The following ARL6IP6 variants were observed in gnomAD, a reference collection of about 807,000 sequenced individuals.
The protein encoded by ARL6IP6 is ARF like GTPase 6 interacting protein 6, also known as ADP-ribosylation factor-like protein 6-interacting protein 6.
A neutral mutation model predicts 21.5 loss-of-function variants in ARL6IP6; 22 were observed. That is an observed-to-expected ratio of 1.02 (90% confidence interval 0.73 to 1.46). The LOEUF is 1.46. ARL6IP6 is among the 40% of genes most tolerant of loss of function. The pLI is 0.00. For missense variants in ARL6IP6, 388 were observed against 299.8 expected, an observed-to-expected ratio of 1.29 and a Z score of -2.17; for synonymous variants, 164 against 125.3, an observed-to-expected ratio of 1.31 and a Z score of -2.06.
intron 1 of ARL6IP6, chr2:152,720,330 A>G: frequency 3.3e-6 from 2 of 607,314 alleles, no homozygotes; most frequent in East Asian, 2.8e-5. Flanking sequence ...TATGTACGGT[A>G]TATAGCTGTT....
At chr2:152,750,606 G>A (rs762000596) in intron 3 of ARL6IP6, among the ~76,000 whole-genome samples, 1 of 150,294 alleles carries the variant, frequency 6.7e-6, no homozygotes, top group Non-Finnish European at 1.5e-5. Flanking sequence ...GAAATCTTAA[G>A]TTGGAGTTCC....
chr2:152,732,032 T>G (rs1404490738), intron 2 of ARL6IP6, among the ~76,000 whole-genome samples: 1 of 152,068 alleles, frequency 6.6e-6, no homozygotes, highest in Non-Finnish European at 1.5e-5. Flanking sequence ...ACCAATCCTT[T>G]ACCTTCATTA....
intron 3 of ARL6IP6, among the ~76,000 whole-genome samples, chr2:152,744,348 A>G (rs1700950333): frequency 6.6e-6 from 1 of 152,132 alleles, no homozygotes; most frequent in African/African-American, 2.4e-5. Context: ...ATTGGAAGAC[A>G]CAGTTGAATG....
rs905539285 is a variant in ARL6IP6 at position 152,756,099 on chromosome 2, GT to G, written c.588-3642del. 9.9e-5 allele frequency among the ~76,000 whole-genome samples: 15 copies of G among 152,148 alleles called. 1 individual carries two copies. Among genetic ancestry groups the G allele is most frequent in the Middle Eastern group, 3.4e-3 (1 of 294 alleles). On this transcript the variant is annotated intron_variant, in intron 3 of 3. Coordinates refer to ENST00000326446, the MANE Select transcript of ARL6IP6 (RefSeq NM_152522.7). ...TTTAATTAGATGATGTCTAATTTAG[GT>G]TTTTTCTTTAGTTTCTTGTGCTTTT... is the stretch of plus-strand genomic sequence containing the variant.
chr2:152,734,102 G>T (rs928613827), intron 2 of ARL6IP6, among the ~76,000 whole-genome samples: 1 of 152,104 alleles, frequency 6.6e-6, no homozygotes, highest in South Asian at 2.1e-4. Flanking sequence ...TTATTAATGG[G>T]TTATGAATAG....
At position 152,761,515 on chromosome 2, in the gene ARL6IP6, A is replaced by T. The variant is rs988022277; in HGVS notation, c.*1675A>T. On this transcript the variant is annotated 3_prime_UTR_variant, in exon 4 of 4. Transcript: ENST00000326446. Reference sequence around the variant, plus strand: ...ATTGTTTGTGTCTAATGACTAGGAAAGTTATTAACAGTAGACCCTAGATAG... The same window carrying T: ...ATTGTTTGTGTCTAATGACTAGGAATGTTATTAACAGTAGACCCTAGATAG... Among the ~76,000 whole-genome samples the T allele has an allele frequency of 1.3e-5, 2 of 152,300 alleles. No homozygotes were observed. The highest frequency in any genetic ancestry group is 4.8e-5 in the African/African-American group (2 of 41,570).
chr2:152,726,208 T>C (rs553212405), intron 2 of ARL6IP6, among the ~76,000 whole-genome samples: 4 of 152,304 alleles, frequency 2.6e-5, no homozygotes, highest in African/African-American at 9.6e-5. Context: ...CTACAGGTGT[T>C]ATTTATTTTT....
chr2:152,718,873 GC>G lies in ARL6IP6; in HGVS notation c.252del (p.Asp85IlefsTer46). 1 of 1,613,786 alleles carries G rather than the reference GC, an allele frequency of 6.2e-7. No individual in the cohort carries two copies. The highest frequency in any genetic ancestry group is 1.3e-5 in the African/African-American group (1 of 75,058). On this transcript the variant is annotated frameshift_variant, in exon 1 of 4. Transcript: ENST00000326446. LOFTEE classifies it high-confidence loss of function. Reference sequence around the variant, plus strand: ...CGGACGGGAACGGGTCGCCCGTTCTGCCCGATAAGCGCAATGGTATCTTTCC... The same window carrying G: ...CGGACGGGAACGGGTCGCCCGTTCTGCCGATAAGCGCAATGGTATCTTTCC... ...PPDGNGSPVL[P>X]DKRNGIFPAA...
intron 3 of ARL6IP6, among the ~76,000 whole-genome samples, chr2:152,737,101 T>G (rs1441165787): frequency 6.6e-6 from 1 of 152,142 alleles, no homozygotes; most frequent in Non-Finnish European, 1.5e-5. Flanking sequence ...GAACAGTCCT[T>G]CCCCAAATGA....
intron 2 of ARL6IP6, among the ~76,000 whole-genome samples, chr2:152,730,466 A>G (rs1013430070): frequency 6.6e-6 from 1 of 152,190 alleles, no homozygotes; most frequent in African/African-American, 2.4e-5. Flanking sequence ...ATAGTCATCT[A>G]AATAATAGCA....
At chr2:152,720,206 T>C (rs1699715430) in intron 1 of ARL6IP6, 1 of 360,502 alleles carries the variant, frequency 2.8e-6, no homozygotes. Context: ...GGAATTCCAT[T>C]GCAGAAGACA....
At chr2:152,755,073 C>T (rs1701516082) in intron 3 of ARL6IP6, among the ~76,000 whole-genome samples, 1 of 151,966 alleles carries the variant, frequency 6.6e-6, no homozygotes, top group Admixed American at 6.6e-5. Context: ...CAATCATAAC[C>T]TAGGAAAAAC....
chr2:152,719,477 C>T (rs1392361683), intron 1 of ARL6IP6, among the ~76,000 whole-genome samples: 2 of 152,174 alleles, frequency 1.3e-5, no homozygotes, highest in African/African-American at 4.8e-5. Flanking sequence ...ATCGCATAGT[C>T]CAAATTTCTT....
At position 152,718,936 on chromosome 2, in the gene ARL6IP6, G is replaced by T; in HGVS notation, c.312G>T (p.Trp104Cys). 1 of 1,613,780 alleles carries T rather than the reference G, an allele frequency of 6.2e-7. No homozygotes were observed. The highest frequency in any genetic ancestry group is 8.5e-7 in the Non-Finnish European group (1 of 1,179,850). Residue 104 changes from tryptophan to cysteine, a missense_variant, in exon 1 of 4, where the codon TGG (tryptophan) becomes TGT (cysteine). By Grantham distance (215) the Trp-to-Cys change is radical. Transcript: ENST00000326446. ...AAGSRAQPRR[W>C]PVQVLSILCS... Reference sequence around the variant, plus strand: ...GCAGCAGAGCCCAGCCTCGGCGGTGGCCGGTCCAGGTCCTCTCTATTCTCT... The same window carrying T: ...GCAGCAGAGCCCAGCCTCGGCGGTGTCCGGTCCAGGTCCTCTCTATTCTCT...
chr2:152,755,395 G>A (rs1486336239), intron 3 of ARL6IP6, among the ~76,000 whole-genome samples: 2 of 152,066 alleles, frequency 1.3e-5, no homozygotes, highest in African/African-American at 2.4e-5. Context: ...GCAGTTATCC[G>A]GAGGCCTAAC....
intron 2 of ARL6IP6, among the ~76,000 whole-genome samples, chr2:152,725,803 C>A (rs1484749033): frequency 6.6e-6 from 1 of 152,204 alleles, no homozygotes; most frequent in African/African-American, 2.4e-5. Flanking sequence ...TTTTGGTGTA[C>A]ATGACTTTAG....
At chr2:152,726,793 A>G (rs1181481154) in intron 2 of ARL6IP6, among the ~76,000 whole-genome samples, 2 of 152,136 alleles carry the variant, frequency 1.3e-5, no homozygotes, top group East Asian at 1.9e-4. Flanking sequence ...AAAAATTCCT[A>G]TTTAGTGGCA....
chr2:152,760,021 G>A lies in ARL6IP6; in HGVS notation c.*181G>A. On this transcript the variant is annotated 3_prime_UTR_variant, in exon 4 of 4. Transcript: ENST00000326446. ...TAAAGCATTGTTTTAGAATGTCTGA[G>A]TATTAAGATACAGATTAATTGGGAA... is the stretch of plus-strand genomic sequence containing the variant. 3.8e-6 allele frequency: 2 copies of A among 528,990 alleles called. No individual in the cohort carries two copies. Among genetic ancestry groups the A allele is most frequent in the South Asian group, 2.6e-5 (1 of 37,740 alleles). The allele number at this position is 528,990 out of a possible 1,614,324, so 32.8% of individuals were successfully genotyped here. A position where few individuals can be genotyped will look rare whatever the true frequency, so the allele number is the denominator to read the frequency against.
intron 3 of ARL6IP6, 27 bp from the exon 4 acceptor site, chr2:152,759,720 T>C: frequency 6.3e-7 from 1 of 1,586,474 alleles, no homozygotes; most frequent in Non-Finnish European, 8.6e-7. Flanking sequence ...TTTTTCTTTT[T>C]TGATTTGTGT....
Sources: gnomAD v4.1 joint callset for allele counts (sites outside exome capture counted in the v4.1 genomes callset) on GRCh38, gnomAD v4.1.1 for gene constraint, MANE v1.5 for transcripts, NCBI Gene and HGNC (gene_info 2026-07-23, HGNC 2026-07-21) for gene names.